PLD1: variants seen among roughly 807,000 people sequenced by gnomAD.
The protein encoded by PLD1 is choline phosphatase 1.
In PLD1, 112 loss-of-function variants were observed where a neutral mutation model predicts 137.1. The ratio of observed to expected loss-of-function variants is 0.82; its 90% CI spans 0.70 to 0.96. The LOEUF is 0.96. Ranked by LOEUF, PLD1 falls within the 40% of genes least tolerant of loss-of-function variation. PLD1 has a pLI of 0.00. For missense variants in PLD1, 1,321 were observed against 1,342.0 expected, an observed-to-expected ratio of 0.98 and a Z score of 0.24; for synonymous variants, 431 against 454.7, an observed-to-expected ratio of 0.95 and a Z score of 0.66.
Position 171,602,645 on chromosome 3 carries a change from A to G in PLD1, c.*433T>C, listed in dbSNP as rs1731909823. ...CATCTAATAATAAACAATCTCTCAA[A>G]CAGTGCCTGTATGAACTGCAAGATG... On this transcript the variant is annotated 3_prime_UTR_variant, in exon 27 of 27. Transcript: ENST00000351298. 1 of 182,222 alleles carries G rather than the reference A, an allele frequency of 5.5e-6. No individual in the cohort carries two copies. Among genetic ancestry groups the G allele is most frequent in the Admixed American group, 5.4e-5 (1 of 18,616 alleles). 11.3% of individuals were successfully genotyped at this position (182,222 alleles called of 1,614,324 possible). A position where few individuals can be genotyped will look rare whatever the true frequency, so the allele number is the denominator to read the frequency against.
chr3:171,621,290 G>A (rs966948146), intron 23 of PLD1, among the ~76,000 whole-genome samples: 1 of 152,110 alleles, frequency 6.6e-6, no homozygotes, highest in South Asian at 2.1e-4. Context: ...GACCCCTGTT[G>A]TGAGTGTTAG....
rs189331132 is a variant in PLD1, at chr3:171,771,873, C to T, written c.-31-33791G>A. 1.1e-3 allele frequency among the ~76,000 whole-genome samples: 160 copies of T among 152,322 alleles called. No individual in the cohort carries two copies. The Middle Eastern group carries it at 0.014, about 13-fold the overall frequency. On this transcript the variant is annotated intron_variant, in intron 1 of 26. Coordinates refer to ENST00000351298, the MANE Select transcript of PLD1 (RefSeq NM_002662.5). Reference sequence around the variant, plus strand: ...TTCAATAGGAAATTTTGTCAAAGAACCTTCTAACTTCTGATTCTGACTTAG... The same window carrying T: ...TTCAATAGGAAATTTTGTCAAAGAATCTTCTAACTTCTGATTCTGACTTAG...
chr3:171,764,930 A>AAAGAAAGGAAGG lies in PLD1; in HGVS notation c.-31-26849_-31-26848insCCTTCCTTTCTT, dbSNP rs1721818109. 4.0e-4 allele frequency among the ~76,000 whole-genome samples: 11 copies of AAAGAAAGGAAGG among 27,560 alleles called. 1 individual carries two copies. The highest frequency in any genetic ancestry group is 1.4e-3 in the African/African-American group (10 of 7,086). The allele number at this position is 27,560 out of a possible 152,430, so 18.1% of individuals were successfully genotyped here. The stretch of plus-strand genomic sequence containing the variant: ...AAGGAAGGAAAGAAAGAAAGGAAAG[A>AAAGAAAGGAAGG]AAGGAAAGAAAGAAAGAAAGAAAGA... On this transcript the variant is annotated intron_variant, in intron 1 of 26. Transcript: ENST00000351298.
intron 23 of PLD1, among the ~76,000 whole-genome samples, chr3:171,625,596 A>AC (rs987941060): frequency 4.0e-5 from 6 of 151,888 alleles, no homozygotes; most frequent in Non-Finnish European, 5.9e-5. Flanking sequence ...ACTGGGAGGC[A>AC]CCCCCCCGTA....
intron 1 of PLD1, among the ~76,000 whole-genome samples, chr3:171,794,943 C>T (rs1723370231): frequency 6.6e-6 from 1 of 152,140 alleles, no homozygotes; most frequent in South Asian, 2.1e-4. Context: ...TAATTGTGTG[C>T]AACACATCTT....
At chr3:171,755,720 T>A (rs1720978182) in intron 1 of PLD1, among the ~76,000 whole-genome samples, 1 of 152,172 alleles carries the variant, frequency 6.6e-6, no homozygotes, top group Admixed American at 6.5e-5. Context: ...GACTGGGAGC[T>A]CCCTGAAGAG....
At chr3:171,690,345 C>T (rs1715022034) in intron 13 of PLD1, among the ~76,000 whole-genome samples, 1 of 152,064 alleles carries the variant, frequency 6.6e-6, no homozygotes, top group African/African-American at 2.4e-5. Context: ...TTTCTATCCT[C>T]TGGTTTTATT....
At chr3:171,782,305 G>A (rs544487960) in intron 1 of PLD1, among the ~76,000 whole-genome samples, 1 of 152,302 alleles carries the variant, frequency 6.6e-6, no homozygotes, top group African/African-American at 2.4e-5. Flanking sequence ...GTCATGTTCT[G>A]TACCTTGAAA....
chr3:171,738,040 T>C lies in PLD1; in HGVS notation c.12A>G (p.Lys4=), dbSNP rs764609290. ...CAGAGGTATTTACCCGTGGCTCGTT[T>C]TTCAGTGACATGTTAACTTTGGACA... MSL[K]NEPRVNTSAL... Residue 4 remains lysine, a synonymous_variant, in exon 2 of 27, where the codon AAA becomes AAG. Transcript: ENST00000351298. The C allele has an allele frequency of 2.5e-6, 4 of 1,612,856 alleles. No homozygotes were observed. Among genetic ancestry groups the C allele is most frequent in the African/African-American group, 1.3e-5 (1 of 74,980 alleles).
intron 1 of PLD1, among the ~76,000 whole-genome samples, chr3:171,764,949 A>AGGAAGGAAGGAAGGAAG (rs1411351484): frequency 2.8e-5 from 1 of 35,626 alleles, no homozygotes; most frequent in African/African-American, 8.2e-5. Flanking sequence ...AAAGAAAGAA[A>AGGAAGGAAGGAAGGAAG]GAAAGAAAGA....
Position 171,735,551 on chromosome 3 carries a change from T to G in PLD1, c.375A>C (p.Glu125Asp). The G allele has an allele frequency of 2.5e-6, 4 of 1,611,846 alleles. No homozygotes were observed. The highest frequency in any genetic ancestry group is 3.4e-6 in the Non-Finnish European group (4 of 1,177,904). The change falls in exon 4 of 27, where the codon GAA becomes GAC. Residue 125 changes from glutamate (E) to aspartate (D), a missense_variant. Glu to Asp is a conservative substitution (Grantham distance 45). Coordinates refer to ENST00000351298, the MANE Select transcript of PLD1 (RefSeq NM_002662.5). ...QVKRKFKHFQ[E>D]FHRELLKYKA... ...TGTACTTGAGCAGCTCTCTGTGAAA[T>G]TCTTGAAAATGCTTGAATTTCCTCT... is the stretch of plus-strand genomic sequence containing the variant.
chr3:171,647,211 T>C (rs1736311174), intron 21 of PLD1, among the ~76,000 whole-genome samples: 1 of 152,190 alleles, frequency 6.6e-6, no homozygotes, highest in Admixed American at 6.5e-5. Context: ...GCACTCGGTA[T>C]TATTTGCTTT....
At chr3:171,744,287 T>A (rs1234042505) in intron 1 of PLD1, among the ~76,000 whole-genome samples, 1 of 152,198 alleles carries the variant, frequency 6.6e-6, no homozygotes, top group Non-Finnish European at 1.5e-5. Flanking sequence ...CCAAAAGCCA[T>A]GCACCTGCTC....
chr3:171,633,089 G>A (rs1004492374), intron 23 of PLD1, among the ~76,000 whole-genome samples: 5 of 152,180 alleles, frequency 3.3e-5, no homozygotes, highest in African/African-American at 7.2e-5. Flanking sequence ...ACAAATGCGA[G>A]TGTGGCCTGT....
rs757457954 is a variant in PLD1 at position 171,725,465 on chromosome 3, G to C, written c.665+553C>G. Among the ~76,000 whole-genome samples the C allele has an allele frequency of 6.8e-4, 104 of 152,046 alleles. 1 individual carries two copies. The highest frequency in any genetic ancestry group is 8.4e-4 in the Non-Finnish European group (57 of 68,016). Reference sequence around the variant, plus strand: ...AGTATATCTTAATTCTGAAAAATTTGACAAGAAAAAGCAATAACAAAGGCT... The same window carrying C: ...AGTATATCTTAATTCTGAAAAATTTCACAAGAAAAAGCAATAACAAAGGCT... On this transcript the variant is annotated intron_variant, in intron 7 of 26. Coordinates refer to ENST00000351298, the MANE Select transcript of PLD1 (RefSeq NM_002662.5).
intron 1 of PLD1, among the ~76,000 whole-genome samples, chr3:171,802,245 T>C: frequency 6.6e-6 from 1 of 152,202 alleles, no homozygotes; most frequent in East Asian, 1.9e-4. Flanking sequence ...TAAGTTCTTG[T>C]GTAGAAAACC....
rs1031687587 is a variant in PLD1, at chr3:171,644,933, C to T, written c.2520G>A (p.Gln840=). The change falls in exon 22 of 27, where the codon CAG becomes CAA. Residue 840 remains glutamine, a synonymous_variant. Transcript: ENST00000351298. ...DISTGGGNAL[Q]AIMHFNYRTM... is the part of the protein sequence containing the mutation. ...ACCTGTAGTTGAAGTGCATGATTGC[C>T]TGTAGAGCATTTCCTCCGCCGGTTG... is the stretch of plus-strand genomic sequence containing the variant. 2 of 1,612,656 alleles carry T rather than the reference C, an allele frequency of 1.2e-6. No individual in the cohort carries two copies. Among genetic ancestry groups the T allele is most frequent in the Non-Finnish European group, 8.5e-7 (1 of 1,178,644 alleles).
At chr3:171,645,170 T>A (rs1736102181) in intron 21 of PLD1, 147 bp from the exon 22 acceptor site, 2 of 641,872 alleles carry the variant, frequency 3.1e-6, no homozygotes, top group Non-Finnish European at 5.7e-6. Context: ...CTTGGGAGGG[T>A]GTGCTGTTGG....
At chr3:171,705,199 CAGAA>C (rs1252918293) in intron 11 of PLD1, among the ~76,000 whole-genome samples, 3 of 152,036 alleles carry the variant, frequency 2.0e-5, no homozygotes. Flanking sequence ...ACTGAAGACT[CAGAA>C]GGAGGAGAGA....
Sources: gnomAD v4.1 joint callset for allele counts (sites outside exome capture counted in the v4.1 genomes callset) on GRCh38, gnomAD v4.1.1 for gene constraint, MANE v1.5 for transcripts, NCBI Gene and HGNC (gene_info 2026-07-23, HGNC 2026-07-21) for gene names.